HMBOX1: variants seen among roughly 807,000 people sequenced by gnomAD.
HMBOX1 encodes the protein homeobox-containing protein 1.
HMBOX1 carries 14 observed loss-of-function variants against 54.5 expected under a neutral mutation model. The ratio of observed to expected loss-of-function variants is 0.26; its 90% CI spans 0.17 to 0.40. The LOEUF is 0.40. HMBOX1 is among the 10% of genes least tolerant of loss of function. The pLI, the probability that HMBOX1 is intolerant of heterozygous loss-of-function variation, is 1.00. For synonymous variants in HMBOX1, 160 were observed against 181.0 expected, an observed-to-expected ratio of 0.88 and a Z score of 0.93; for missense variants, 332 against 514.4, an observed-to-expected ratio of 0.65 and a Z score of 3.43.
intron 1 of HMBOX1, among the ~76,000 whole-genome samples, chr8:28,914,757 A>G (rs552393114): frequency 1.3e-5 from 2 of 152,322 alleles, no homozygotes; most frequent in South Asian, 4.1e-4. Context: ...TTCAGTGAGA[A>G]CTTCCTTGTT....
In HMBOX1 at chr8:28,996,070, C is replaced by T. The variant is rs181680362; in HGVS notation, c.587-13002C>T. ...GCAGTGAGCCGAGATCACGCCACTGCACTCCAGCCTGGGTGACAGAGTGAG... is the reference window on the plus strand; with the variant it reads ...GCAGTGAGCCGAGATCACGCCACTGTACTCCAGCCTGGGTGACAGAGTGAG... On this transcript the variant is annotated intron_variant, in intron 4 of 9. Transcript: ENST00000287701. 5.1e-3 allele frequency among the ~76,000 whole-genome samples: 774 copies of T among 152,128 alleles called. 3 individuals are homozygous for T. The highest frequency in any genetic ancestry group is 7.7e-3 in the Non-Finnish European group (526 of 67,994).
intron 5 of HMBOX1, among the ~76,000 whole-genome samples, chr8:29,016,933 G>A (rs1010144366): frequency 7.2e-5 from 11 of 152,236 alleles, no homozygotes; most frequent in African/African-American, 2.7e-4. Flanking sequence ...TGCAGTGTGG[G>A]AAGGGACTAT....
At chr8:28,971,127 G>C (rs934068062) in intron 3 of HMBOX1, among the ~76,000 whole-genome samples, 2 of 123,606 alleles carry the variant, frequency 1.6e-5, no homozygotes, top group African/African-American at 6.3e-5. Context: ...GTCTTGCTCT[G>C]TATGCCCAGG....
chr8:28,916,205 AG>A (rs1816507321), intron 1 of HMBOX1, among the ~76,000 whole-genome samples: 1 of 152,220 alleles, frequency 6.6e-6, no homozygotes. Flanking sequence ...CTGCCCTCTA[AG>A]TAAGGGGAAA....
At chr8:28,945,877 T>C (rs1410662327) in intron 1 of HMBOX1, among the ~76,000 whole-genome samples, 2 of 151,774 alleles carry the variant, frequency 1.3e-5, no homozygotes, top group Non-Finnish European at 2.9e-5. Flanking sequence ...CCATTTAAAG[T>C]ATATAGGTCA....
At chr8:29,004,832 G>C (rs1290866915) in intron 4 of HMBOX1, among the ~76,000 whole-genome samples, 1 of 152,136 alleles carries the variant, frequency 6.6e-6, no homozygotes, top group Admixed American at 6.5e-5. Flanking sequence ...ATAGTATCGA[G>C]AGGCTGCCAG....
chr8:29,009,364 T>C (rs1833906701), intron 5 of HMBOX1, 182 bp downstream of exon 5: 1 of 716,956 alleles, frequency 1.4e-6, no homozygotes, highest in African/African-American at 2.0e-5. Flanking sequence ...TTTTATTTTA[T>C]TGTCTAATAT....
Position 29,027,720 on chromosome 8 carries a change from A to C in HMBOX1, c.851+8807A>C, listed in dbSNP as rs540264924. ...TAGCAGTGATAGGTAGAAGCAATAG[A>C]ATATAGTGGTTAATAGTACCAGCTT... is the stretch of plus-strand genomic sequence containing the variant. On this transcript the variant is annotated intron_variant, in intron 6 of 9. Coordinates refer to ENST00000287701, the MANE Select transcript of HMBOX1 (RefSeq NM_001135726.3). 7.2e-5 allele frequency among the ~76,000 whole-genome samples: 11 copies of C among 152,332 alleles called. No individual in the cohort carries two copies. The South Asian group carries it at 1.7e-3, about 23-fold the overall frequency.
intron 6 of HMBOX1, among the ~76,000 whole-genome samples, chr8:29,029,345 A>C (rs142766042): frequency 2.8e-4 from 43 of 152,368 alleles, no homozygotes; most frequent in Admixed American, 2.8e-3. Flanking sequence ...GAGCAGAAAT[A>C]CTTATAAATC....
intron 4 of HMBOX1, among the ~76,000 whole-genome samples, chr8:28,986,727 C>T (rs771815320): frequency 1.3e-5 from 2 of 152,108 alleles, no homozygotes; most frequent in Admixed American, 1.3e-4. Context: ...TGTTTTGCAG[C>T]CTCAGGGGAA....
At chr8:28,941,160 AC>A (rs1287980308) in intron 1 of HMBOX1, among the ~76,000 whole-genome samples, 1 of 152,198 alleles carries the variant, frequency 6.6e-6, no homozygotes, top group Non-Finnish European at 1.5e-5. Flanking sequence ...TGGTTTCAGC[AC>A]AAACTATCTT....
At chr8:28,988,740 T>C (rs1049082427) in intron 4 of HMBOX1, among the ~76,000 whole-genome samples, 2 of 152,198 alleles carry the variant, frequency 1.3e-5, no homozygotes, top group African/African-American at 4.8e-5. Flanking sequence ...TTGGGTGACA[T>C]GTCTGTCAAA....
chr8:28,921,277 G>A (rs1279479185), intron 1 of HMBOX1, among the ~76,000 whole-genome samples: 6 of 152,136 alleles, frequency 3.9e-5, no homozygotes, highest in Admixed American at 1.3e-4. Context: ...CAGAGGTTGC[G>A]GTGAGCTGAG....
At chr8:28,966,026 C>G (rs1826376318) in intron 2 of HMBOX1, among the ~76,000 whole-genome samples, 2 of 151,918 alleles carry the variant, frequency 1.3e-5, no homozygotes. Context: ...GAAGAAAAAG[C>G]TGTTATCCAA....
intron 6 of HMBOX1, among the ~76,000 whole-genome samples, chr8:29,021,929 A>G (rs1036471335): frequency 6.6e-6 from 1 of 152,150 alleles, no homozygotes; most frequent in Non-Finnish European, 1.5e-5. Flanking sequence ...ACATTGAGAT[A>G]CTATTCTTCA....
At chr8:29,017,917 A>G (rs1181174990) in intron 5 of HMBOX1, among the ~76,000 whole-genome samples, 1 of 152,232 alleles carries the variant, frequency 6.6e-6, no homozygotes, top group Non-Finnish European at 1.5e-5. Flanking sequence ...GCATAAACCT[A>G]CATGTTCTAA....
intron 6 of HMBOX1, among the ~76,000 whole-genome samples, chr8:29,037,591 A>G (rs1171644586): frequency 4.6e-5 from 7 of 152,226 alleles, no homozygotes; most frequent in Admixed American, 2.6e-4. Context: ...ACATCTACAT[A>G]TCTTTTTAAA....
chr8:29,010,378 G>A (rs1322324668), intron 5 of HMBOX1, among the ~76,000 whole-genome samples: 1 of 152,116 alleles, frequency 6.6e-6, no homozygotes, highest in Non-Finnish European at 1.5e-5. Context: ...CCAACATGGT[G>A]AAACCCTGTC....
intron 1 of HMBOX1, among the ~76,000 whole-genome samples, chr8:28,944,000 T>C (rs28479751): frequency 0.029 from 4,395 of 152,268 alleles, 198 homozygotes; most frequent in African/African-American, 0.1. Context: ...TCTACTGTTG[T>C]ACATACAGAG....
Sources: allele counts gnomAD v4.1 joint callset (sites outside exome capture counted in the v4.1 genomes callset), GRCh38; gene constraint gnomAD v4.1.1; transcripts MANE v1.5; gene names NCBI Gene and HGNC (gene_info 2026-07-23, HGNC 2026-07-21).